Variants in PTPRD observed in about 807,000 individuals in gnomAD.
The protein encoded by PTPRD is protein tyrosine phosphatase receptor type D.
A neutral mutation model predicts 214.5 loss-of-function variants in PTPRD; 34 were observed. That is an observed-to-expected ratio of 0.16 (90% confidence interval 0.12 to 0.21). PTPRD has a LOEUF of 0.21. PTPRD is among the 10% of genes least tolerant of loss of function. The pLI is 1.00. For missense variants in PTPRD, 2,545 were observed against 2,398.7 expected (o/e 1.06, Z -1.27); for synonymous variants, 1,128 against 845.7 (o/e 1.33, Z -5.79).
At chr9:10,431,894 T>C (rs1254673494) in intron 2 of PTPRD, among the ~76,000 whole-genome samples, 1 of 152,094 alleles carries the variant, frequency 6.6e-6, no homozygotes, top group Non-Finnish European at 1.5e-5. Flanking sequence ...CTTAGGGATC[T>C]AGAGCTAGAA....
chr9:8,450,925 G>A (rs567741166), intron 33 of PTPRD, among the ~76,000 whole-genome samples: 81 of 152,230 alleles, frequency 5.3e-4, no homozygotes, highest in African/African-American at 1.4e-3. Flanking sequence ...AAGCAAAGGC[G>A]TTTTTACTGT....
At chr9:8,772,249 T>C (rs867765357) in intron 11 of PTPRD, among the ~76,000 whole-genome samples, 1 of 152,190 alleles carries the variant, frequency 6.6e-6, no homozygotes, top group Non-Finnish European at 1.5e-5. Context: ...CCTTTTCTTC[T>C]GTAATGTCTT....
At chr9:8,600,303 G>T (rs185229121) in intron 14 of PTPRD, among the ~76,000 whole-genome samples, 1 of 152,152 alleles carries the variant, frequency 6.6e-6, no homozygotes, top group African/African-American at 2.4e-5. Context: ...AGCACTCTGA[G>T]GCCGTATGTG....
intron 11 of PTPRD, among the ~76,000 whole-genome samples, chr9:8,785,444 A>T (rs1468314229): frequency 6.6e-6 from 1 of 152,214 alleles, no homozygotes; most frequent in African/African-American, 2.4e-5. Context: ...TCCAAACCAC[A>T]ATACAAAATC....
intron 2 of PTPRD, among the ~76,000 whole-genome samples, chr9:10,454,934 G>T (rs566291516): frequency 1.3e-5 from 2 of 151,762 alleles, no homozygotes; most frequent in African/African-American, 4.8e-5. Context: ...CAAAACCTCA[G>T]TAACAGGCAA....
intron 5 of PTPRD, among the ~76,000 whole-genome samples, chr9:9,862,245 CA>C (rs888824985): frequency 5.3e-5 from 8 of 150,620 alleles, no homozygotes; most frequent in Non-Finnish European, 1.0e-4. Context: ...TTTTGAAAAG[CA>C]AAGACACATT....
At chr9:9,759,379 G>C (rs1484657443) in intron 6 of PTPRD, among the ~76,000 whole-genome samples, 1 of 152,116 alleles carries the variant, frequency 6.6e-6, no homozygotes, top group East Asian at 1.9e-4. Context: ...CCACAACCCA[G>C]TAATTAAAGT....
At chr9:9,603,684 T>G (rs1028760092) in intron 7 of PTPRD, among the ~76,000 whole-genome samples, 1 of 152,116 alleles carries the variant, frequency 6.6e-6, no homozygotes, top group South Asian at 2.1e-4. Flanking sequence ...GCCTGATGAT[T>G]TGAGGTGGAA....
At chr9:8,536,062 T>C (rs1447743654) in intron 14 of PTPRD, among the ~76,000 whole-genome samples, 3 of 143,238 alleles carry the variant, frequency 2.1e-5, no homozygotes, top group African/African-American at 8.6e-5. Flanking sequence ...ATCATTATCA[T>C]TTTTTTGTGG....
At chr9:8,583,945 C>A (rs757530176) in intron 14 of PTPRD, among the ~76,000 whole-genome samples, 1 of 152,056 alleles carries the variant, frequency 6.6e-6, no homozygotes, top group African/African-American at 2.4e-5. Context: ...TGAGCTTAGG[C>A]GTTTGAGATC....
chr9:9,018,953 G>A (rs2099548078), intron 10 of PTPRD, among the ~76,000 whole-genome samples: 1 of 151,934 alleles, frequency 6.6e-6, no homozygotes, highest in Admixed American at 6.6e-5. Context: ...AGCAAAACAT[G>A]TTATGATTGT....
intron 18 of PTPRD, 92 bp downstream of exon 18, chr9:8,524,833 T>C: frequency 9.7e-7 from 1 of 1,033,604 alleles, no homozygotes; most frequent in Admixed American, 1.7e-5. Context: ...AACCAGCTTG[T>C]TAACTACTAA....
At chr9:9,894,323 T>A (rs1050975971) in intron 5 of PTPRD, among the ~76,000 whole-genome samples, 1 of 152,062 alleles carries the variant, frequency 6.6e-6, no homozygotes, top group Admixed American at 6.6e-5. Flanking sequence ...CCTTTTCACC[T>A]GTGCATTAAG....
intron 2 of PTPRD, among the ~76,000 whole-genome samples, chr9:10,609,396 C>A (rs925753777): frequency 3.3e-5 from 5 of 152,102 alleles, no homozygotes; most frequent in African/African-American, 9.7e-5. Context: ...CCACCCTCTA[C>A]CATAATCCAG....
chr9:8,955,547 T>G (rs1336457395), intron 11 of PTPRD, among the ~76,000 whole-genome samples: 1 of 151,892 alleles, frequency 6.6e-6, no homozygotes, highest in African/African-American at 2.4e-5. Flanking sequence ...TGGTGTGCTC[T>G]TCGTTATAAG....
At chr9:10,488,227 C>T (rs558579975) in intron 2 of PTPRD, among the ~76,000 whole-genome samples, 10 of 151,870 alleles carry the variant, frequency 6.6e-5, no homozygotes, top group East Asian at 2.0e-4. Flanking sequence ...ATTAGCTGGG[C>T]GCGGTGGCGG....
intron 2 of PTPRD, among the ~76,000 whole-genome samples, chr9:10,611,902 T>TCCCC (rs1457544187): frequency 8.6e-6 from 1 of 116,200 alleles, no homozygotes; most frequent in Non-Finnish European, 1.8e-5. Flanking sequence ...CTTTCCCTTT[T>TCCCC]CCGCCCCCCC....
intron 2 of PTPRD, among the ~76,000 whole-genome samples, chr9:10,497,226 A>C (rs1184822087): frequency 6.6e-6 from 1 of 152,016 alleles, no homozygotes; most frequent in Non-Finnish European, 1.5e-5. Context: ...GATGAGATCC[A>C]TACCCCTAAC....
At chr9:9,761,187 T>C (rs1260109377) in intron 6 of PTPRD, among the ~76,000 whole-genome samples, 1 of 152,188 alleles carries the variant, frequency 6.6e-6, no homozygotes, top group African/African-American at 2.4e-5. Flanking sequence ...AGCACATACA[T>C]ACAATGGAAT....
Sources: allele counts gnomAD v4.1 joint callset (sites outside exome capture counted in the v4.1 genomes callset), GRCh38; gene constraint gnomAD v4.1.1; transcripts MANE v1.5; gene names NCBI Gene and HGNC (gene_info 2026-07-23, HGNC 2026-07-21).